Variants in PSD3 observed in about 807,000 individuals in gnomAD.
The protein encoded by PSD3 is PH and SEC7 domain-containing protein 3.
Under a neutral mutation model 105.5 loss-of-function variants are expected in PSD3, and 49 were observed. The observed-to-expected ratio is 0.46, with a 90% confidence interval of 0.37 to 0.59. The LOEUF (loss-of-function observed/expected upper bound fraction) is 0.59, where lower values mean the gene tolerates loss of function less well. Ranked by LOEUF, PSD3 falls within the 20% of genes least tolerant of loss-of-function variation. PSD3 has a pLI of 0.00. For synonymous variants in PSD3, 557 were observed against 457.8 expected, an observed-to-expected ratio of 1.22 and a Z score of -2.77; for missense variants, 1,561 against 1,263.8, an observed-to-expected ratio of 1.24 and a Z score of -3.57.
At chr8:18,623,780 A>G (rs1360484757) in intron 11 of PSD3, among the ~76,000 whole-genome samples, 1 of 152,210 alleles carries the variant, frequency 6.6e-6, no homozygotes, top group Non-Finnish European at 1.5e-5. Context: ...GGTACTTGTC[A>G]GTGACTGCCT....
intron 9 of PSD3, among the ~76,000 whole-genome samples, chr8:18,753,520 ACAAAAACTATGCTGCT>A (rs1805776609): frequency 6.6e-6 from 1 of 152,140 alleles, no homozygotes; most frequent in South Asian, 2.1e-4. Context: ...ACAATTTAGC[ACAAAAACTATGCTGCT>A]ATCTATGGAA....
intron 2 of PSD3, among the ~76,000 whole-genome samples, chr8:18,923,905 T>C (rs1355528034): frequency 6.6e-6 from 1 of 152,022 alleles, no homozygotes; most frequent in African/African-American, 2.4e-5. Context: ...TATACATATA[T>C]GTGTGTGTTT....
chr8:19,045,504 C>A (rs1317541230), intron 1 of PSD3, among the ~76,000 whole-genome samples: 1 of 152,216 alleles, frequency 6.6e-6, no homozygotes, highest in African/African-American at 2.4e-5. Context: ...TTCTAAGCAA[C>A]AGCACAGATC....
chr8:18,972,180 C>T (rs1243204892), intron 1 of PSD3, among the ~76,000 whole-genome samples: 2 of 152,114 alleles, frequency 1.3e-5, no homozygotes, highest in African/African-American at 2.4e-5. Flanking sequence ...TTAAAACAAA[C>T]CAAATAGAGT....
At chr8:19,057,586 C>T (rs926488802) in intron 1 of PSD3, among the ~76,000 whole-genome samples, 2 of 152,130 alleles carry the variant, frequency 1.3e-5, no homozygotes, top group Admixed American at 1.3e-4. Context: ...CCTTACCCCA[C>T]CTCTCCTCCT....
chr8:19,044,170 G>C (rs1529350), intron 1 of PSD3, among the ~76,000 whole-genome samples: 27,796 of 152,132 alleles, frequency 0.18, 4,056 homozygotes, highest in African/African-American at 0.41. Context: ...TTTCCATTTG[G>C]CTCCTGCTTA....
chr8:18,867,914 T>C lies in PSD3; in HGVS notation c.1394A>G (p.Tyr465Cys), dbSNP rs1817063432. ...YYSAESLETLYSEPDSYFSFE... is the reference protein window; with the variant it reads ...YYSAESLETLCSEPDSYFSFE... Reference sequence around the variant, plus strand: ...GCTAAAATAGCTATCAGGCTCTGAGTATAATGTCTCCAGGGACTCTGCACT... The same window carrying C: ...GCTAAAATAGCTATCAGGCTCTGAGCATAATGTCTCCAGGGACTCTGCACT... The change falls in exon 4 of 16, where the codon TAC (tyrosine) becomes TGC (cysteine). Residue 465 changes from tyrosine to cysteine, a missense_variant. By Grantham distance (194) the Tyr-to-Cys change is radical. Transcript: ENST00000327040. 2 of 1,614,148 alleles carry C rather than the reference T, an allele frequency of 1.2e-6. No individual in the cohort carries two copies. Among genetic ancestry groups the C allele is most frequent in the South Asian group, 2.2e-5 (2 of 91,072 alleles).
chr8:18,761,723 A>T (rs1413527843), intron 9 of PSD3, among the ~76,000 whole-genome samples: 2 of 152,170 alleles, frequency 1.3e-5, no homozygotes, highest in African/African-American at 4.8e-5. Flanking sequence ...TGTTTTACAA[A>T]ATCTATCAGA....
chr8:18,970,141 C>T (rs1013993068), intron 1 of PSD3, among the ~76,000 whole-genome samples: 10 of 151,216 alleles, frequency 6.6e-5, no homozygotes, highest in South Asian at 2.1e-4. Context: ...CTGGCTAACA[C>T]GGTGAAACCC....
intron 9 of PSD3, among the ~76,000 whole-genome samples, chr8:18,727,604 C>G (rs1297472187): frequency 6.6e-6 from 1 of 150,870 alleles, no homozygotes; most frequent in African/African-American, 2.4e-5. Flanking sequence ...ACACACCCCT[C>G]TTATTCATCT....
At chr8:18,933,069 C>T (rs930190225) in intron 2 of PSD3, among the ~76,000 whole-genome samples, 5 of 152,200 alleles carry the variant, frequency 3.3e-5, no homozygotes, top group Non-Finnish European at 4.4e-5. Flanking sequence ...ATGTGCCCAA[C>T]GCAAGTAACC....
At chr8:18,900,851 T>A (rs542334298) in intron 2 of PSD3, among the ~76,000 whole-genome samples, 1 of 152,260 alleles carries the variant, frequency 6.6e-6, no homozygotes, top group African/African-American at 2.4e-5. Context: ...ATGGTTCACA[T>A]GGAGCTGTTA....
intron 4 of PSD3, among the ~76,000 whole-genome samples, chr8:18,841,375 T>C (rs189859526): frequency 3.3e-5 from 5 of 152,246 alleles, no homozygotes; most frequent in Admixed American, 1.3e-4. Context: ...CAGCTCCCAT[T>C]CAGGCTCTCA....
intron 11 of PSD3, among the ~76,000 whole-genome samples, chr8:18,613,613 A>G (rs969745235): frequency 1.3e-5 from 2 of 152,098 alleles, no homozygotes; most frequent in South Asian, 2.1e-4. Context: ...CACATTCTCT[A>G]TGGCTAGAAT....
intron 1 of PSD3, among the ~76,000 whole-genome samples, chr8:19,080,020 G>A (rs536390945): frequency 6.6e-6 from 1 of 151,494 alleles, no homozygotes; most frequent in Admixed American, 6.6e-5. Flanking sequence ...CTCCCCAGTA[G>A]CTGAGATTAC....
At chr8:19,020,900 T>G (rs1332526884) in intron 1 of PSD3, among the ~76,000 whole-genome samples, 1 of 152,216 alleles carries the variant, frequency 6.6e-6, no homozygotes, top group Non-Finnish European at 1.5e-5. Flanking sequence ...GAGATCAGGC[T>G]GTAATTTTTG....
At chr8:18,799,246 A>C (rs1451460470) in intron 8 of PSD3, 49 bp downstream of exon 8, 1 of 1,476,820 alleles carries the variant, frequency 6.8e-7, no homozygotes, top group East Asian at 2.3e-5. Flanking sequence ...ATAAAAGCAG[A>C]GATAAGCCCG....
chr8:18,812,950 G>GT (rs1159045184), intron 4 of PSD3, among the ~76,000 whole-genome samples: 2 of 152,140 alleles, frequency 1.3e-5, no homozygotes, highest in Non-Finnish European at 2.9e-5. Flanking sequence ...TTGGGTTTTG[G>GT]TAAGATCAGT....
At position 18,655,853 on chromosome 8, in the gene PSD3, T is replaced by C. The variant is rs539392948; in HGVS notation, c.2173-168A>G. ...AATACATGGGGAGGCAAATGAGCAT[T>C]GGGTGAACAACGAACGTTTCATGAA... On this transcript the variant is annotated intron_variant, in intron 9 of 15. Transcript: ENST00000327040. Among the ~76,000 whole-genome samples the C allele has an allele frequency of 3.9e-5, 6 of 152,298 alleles. No individual in the cohort carries two copies. In the East Asian group the frequency reaches 7.7e-4, roughly 20 times the overall value.
Sources: gnomAD v4.1 joint callset for allele counts (sites outside exome capture counted in the v4.1 genomes callset) on GRCh38, gnomAD v4.1.1 for gene constraint, MANE v1.5 for transcripts, NCBI Gene and HGNC (gene_info 2026-07-23, HGNC 2026-07-21) for gene names.